The following ESR1 variants were observed in gnomAD, a reference collection of about 807,000 sequenced individuals.
ESR1 encodes the protein estrogen receptor 1.
In ESR1, 12 loss-of-function variants were observed where a neutral mutation model predicts 52.7. The observed-to-expected ratio is 0.23, with a 90% CI of 0.15 to 0.37. ESR1 has a LOEUF of 0.37. Among genes scored for constraint, ESR1 ranks in the 10% least tolerant of loss-of-function variants. The pLI is 1.00. For missense variants in ESR1, 584 were observed against 779.7 expected, an observed-to-expected ratio of 0.75 and a Z score of 2.99; for synonymous variants, 305 against 316.8, an observed-to-expected ratio of 0.96 and a Z score of 0.39.
At chr6:151,777,850 C>T (rs1392522649) in intron 2 of ESR1, among the ~76,000 whole-genome samples, 2 of 152,026 alleles carry the variant, frequency 1.3e-5, no homozygotes, top group East Asian at 1.9e-4. Flanking sequence ...ACCCCAGCTA[C>T]GTGGGAGGCT....
chr6:152,097,742 C>G (rs1472341674), intron 7 of ESR1, among the ~76,000 whole-genome samples: 2 of 151,918 alleles, frequency 1.3e-5, no homozygotes, highest in African/African-American at 4.8e-5. Context: ...TTCCCGCTGC[C>G]CATTTCCCCC....
In ESR1 at chr6:152,100,553, G is replaced by A. The variant is rs1312058799; in HGVS notation, c.*1587G>A. ...CCTTTGCTTCTCTAGCACAATTATG[G>A]GTTACTTCCTTTTTCTTAACAAAAA... On this transcript the variant is annotated 3_prime_UTR_variant, in exon 8 of 8. Coordinates refer to ENST00000206249, the MANE Select transcript of ESR1 (RefSeq NM_000125.4). 2 of 233,284 alleles carry A rather than the reference G, an allele frequency of 8.6e-6. No individual in the cohort carries two copies. Among genetic ancestry groups the A allele is most frequent in the African/African-American group, 2.2e-5 (1 of 45,276 alleles). 14.5% of individuals were successfully genotyped at this position (233,284 alleles called of 1,614,324 possible).
chr6:152,086,446 A>T (rs1404659390), intron 6 of ESR1, among the ~76,000 whole-genome samples: 1 of 149,034 alleles, frequency 6.7e-6, no homozygotes. Flanking sequence ...TATTTAAATA[A>T]ATATAATATT....
chr6:152,001,273 G>A (rs2041923013), intron 4 of ESR1, among the ~76,000 whole-genome samples: 1 of 151,918 alleles, frequency 6.6e-6, no homozygotes, highest in Non-Finnish European at 1.5e-5. Context: ...AGCCACATCT[G>A]GCCATCCTTT....
chr6:152,001,325 G>A (rs951756904), intron 4 of ESR1, among the ~76,000 whole-genome samples: 1 of 152,010 alleles, frequency 6.6e-6, no homozygotes, highest in African/African-American at 2.4e-5. Context: ...CAGAGAATTG[G>A]AAGGAGAAAT....
chr6:152,026,610 A>C (rs1390678190), intron 5 of ESR1, among the ~76,000 whole-genome samples: 1 of 151,564 alleles, frequency 6.6e-6, no homozygotes, highest in Non-Finnish European at 1.5e-5. Context: ...ATTATTTTAT[A>C]TTTATTATAT....
rs561712595 is a variant in ESR1 at position 151,757,280 on chromosome 6, A to G, written c.-70-50563A>G. Among the ~76,000 whole-genome samples, 15 of 152,266 alleles carry G rather than the reference A, an allele frequency of 9.9e-5. No individual in the cohort carries two copies. In the East Asian group the frequency reaches 2.9e-3, roughly 29 times the overall value. On this transcript the variant is annotated intron_variant, in intron 2 of 2. Coordinates refer to the ESR1 transcript ENST00000404742. ...ATTTAAAATACAAAAACAAGGCTGT[A>G]CTACTTTAACTCTGACCTTAGAAGA...
At chr6:151,923,781 G>T (rs183673590) in intron 3 of ESR1, among the ~76,000 whole-genome samples, 1 of 152,144 alleles carries the variant, frequency 6.6e-6, no homozygotes, top group African/African-American at 2.4e-5. Context: ...TTTTGTGCAG[G>T]TTTTTGTGTG....
chr6:152,099,397 C>T lies in ESR1; in HGVS notation c.*431C>T. The stretch of plus-strand genomic sequence containing the variant: ...AGCCACAGCAAAGAATTTAAAGTGG[C>T]TCCTTTAATTGGTGACTTGGAGAAA... On this transcript the variant is annotated 3_prime_UTR_variant, in exon 8 of 8. Coordinates refer to ENST00000206249, the MANE Select transcript of ESR1 (RefSeq NM_000125.4). 3.1e-6 allele frequency: 1 copy of T among 317,984 alleles called. No homozygotes were observed. 19.7% of individuals were successfully genotyped at this position (317,984 alleles called of 1,614,324 possible). A position where few individuals can be genotyped will look rare whatever the true frequency, so the allele number is the denominator to read the frequency against.
intron 1 of ESR1, among the ~76,000 whole-genome samples, chr6:151,676,297 G>A (rs1323388753): frequency 6.6e-6 from 1 of 152,144 alleles, no homozygotes; most frequent in African/African-American, 2.4e-5. Context: ...AAGGGACAGG[G>A]ATGTGAGAGA....
In ESR1 at chr6:152,003,338, T is replaced by TTGTGTGTG. The variant is rs529797103; in HGVS notation, c.1097-8317_1097-8316insGTGTGTGT. On this transcript the variant is annotated intron_variant, in intron 4 of 7. Coordinates refer to ENST00000206249, the MANE Select transcript of ESR1 (RefSeq NM_000125.4). ...GTTAAATGGAGGGAAAAAAGGGTAA[T>TTGTGTGTG]TATGTGTGTGTGTGTGTGTGTGTGT... 3.9e-5 allele frequency among the ~76,000 whole-genome samples: 5 copies of TTGTGTGTG among 128,692 alleles called. No individual in the cohort carries two copies. The East Asian group carries it at 9.9e-4, about 25-fold the overall frequency. The allele number at this position is 128,692 out of a possible 152,430, so 84.4% of individuals were successfully genotyped here.
chr6:151,981,624 G>T (rs755939979), intron 4 of ESR1, among the ~76,000 whole-genome samples: 9 of 152,186 alleles, frequency 5.9e-5, no homozygotes, highest in Non-Finnish European at 1.3e-4. Context: ...ATGGATTTGA[G>T]AAATACGTGT....
intron 2 of ESR1, among the ~76,000 whole-genome samples, chr6:151,855,771 A>G (rs1387165983): frequency 6.6e-6 from 1 of 152,204 alleles, no homozygotes; most frequent in Non-Finnish European, 1.5e-5. Context: ...AAAAAATGGT[A>G]TGAGTTCAGA....
rs2040617762 is a variant in ESR1 at position 151,987,630 on chromosome 6, C to G, written c.1097-24026C>G. 2.0e-5 allele frequency among the ~76,000 whole-genome samples: 3 copies of G among 151,318 alleles called. No homozygotes were observed. In the South Asian group the frequency reaches 6.3e-4, roughly 32 times the overall value. ...GGTCTTTTCCAGGCAGATCACTTACCTTTCCTCACAGATTATTTCTCATCC... is the reference window on the plus strand; with the variant it reads ...GGTCTTTTCCAGGCAGATCACTTACGTTTCCTCACAGATTATTTCTCATCC... On this transcript the variant is annotated intron_variant, in intron 4 of 7. Transcript: ENST00000206249.
intron 3 of ESR1, among the ~76,000 whole-genome samples, chr6:151,943,329 G>A (rs1011386617): frequency 6.0e-5 from 9 of 150,988 alleles, no homozygotes; most frequent in South Asian, 2.1e-4. Context: ...GCAGTGGGCC[G>A]AGATCCCGCC....
At chr6:151,825,702 A>T (rs1000910212) in intron 1 of ESR1, among the ~76,000 whole-genome samples, 3 of 152,092 alleles carry the variant, frequency 2.0e-5, no homozygotes, top group Non-Finnish European at 2.9e-5. Flanking sequence ...ACCTGAGGTC[A>T]GGAGTTTGAG....
chr6:152,103,780 A>T (rs549538328), downstream of ESR1, among the ~76,000 whole-genome samples: 6 of 152,286 alleles, frequency 3.9e-5, no homozygotes, highest in Non-Finnish European at 7.3e-5. Flanking sequence ...AAGGTAAAGC[A>T]GGAACAATTG....
intron 5 of ESR1, among the ~76,000 whole-genome samples, chr6:152,032,096 C>T (rs961000598): frequency 1.3e-5 from 2 of 152,174 alleles, no homozygotes; most frequent in East Asian, 3.9e-4. Context: ...AACAACCCTT[C>T]ATGCTAAAAA....
chr6:151,977,963 G>GAAAAAAAAAAAAAAAA (rs5880951), intron 4 of ESR1, among the ~76,000 whole-genome samples: 1 of 118,356 alleles, frequency 8.4e-6, no homozygotes, highest in Non-Finnish European at 1.7e-5. Flanking sequence ...AAAAAAAAAA[G>GAAAAAAAAAAAAAAAA]AAAAAAAAAA....
Sources: gnomAD v4.1 joint callset for allele counts (sites outside exome capture counted in the v4.1 genomes callset) on GRCh38, gnomAD v4.1.1 for gene constraint, MANE v1.5 for transcripts, NCBI Gene and HGNC (gene_info 2026-07-23, HGNC 2026-07-21) for gene names.